The following COG5 variants were observed in gnomAD, a reference collection of about 807,000 sequenced individuals.
COG5 encodes conserved oligomeric Golgi complex subunit 5.
COG5 carries 86 observed loss-of-function variants against 110.4 expected under a neutral mutation model. The ratio of observed to expected loss-of-function variants is 0.78; its 90% confidence interval spans 0.65 to 0.93. The LOEUF (loss-of-function observed/expected upper bound fraction) is 0.93, where lower values mean the gene tolerates loss of function less well. Among genes scored for constraint, COG5 ranks in the 40% least tolerant of loss-of-function variants. The pLI is 0.00. For missense variants in COG5, 1,077 were observed against 987.0 expected (o/e 1.09, Z -1.22); for synonymous variants, 360 against 334.6 (o/e 1.08, Z -0.83).
Position 107,283,944 on chromosome 7 carries a change from A to G in COG5, c.1314-212T>C, listed in dbSNP as rs536479150. Among the ~76,000 whole-genome samples the G allele has an allele frequency of 4.7e-5, 5 of 106,988 alleles. No individual in the cohort carries two copies. The South Asian group carries it at 1.5e-3, about 32-fold the overall frequency. 70.2% of individuals were successfully genotyped at this position (106,988 alleles called of 152,430 possible). ...GACCATAGTAACCTTTTTTTTTTTG[A>G]GACGTAGTCTCACTCTGTTGTCCTG... On this transcript the variant is annotated intron_variant, in intron 12 of 21. Coordinates refer to ENST00000297135, the MANE Select transcript of COG5 (RefSeq NM_006348.5).
intron 6 of COG5, among the ~76,000 whole-genome samples, chr7:107,502,968 T>C (rs1206532919): frequency 6.6e-6 from 1 of 152,176 alleles, no homozygotes; most frequent in East Asian, 1.9e-4. Context: ...GGGTTGTCTG[T>C]TTATTTTGAC....
chr7:107,441,271 A>AT (rs1794691157), intron 6 of COG5, among the ~76,000 whole-genome samples: 1 of 151,420 alleles, frequency 6.6e-6, no homozygotes, highest in Admixed American at 6.6e-5. Context: ...AAAAAAAAAA[A>AT]AAAAAAGAAT....
chr7:107,452,925 C>T (rs1795429133), intron 6 of COG5, among the ~76,000 whole-genome samples: 1 of 152,114 alleles, frequency 6.6e-6, no homozygotes, highest in Non-Finnish European at 1.5e-5. Flanking sequence ...CTCTGGAGAG[C>T]CTTCCATGAT....
intron 6 of COG5, among the ~76,000 whole-genome samples, chr7:107,449,094 A>C (rs1795177861): frequency 6.6e-6 from 1 of 152,166 alleles, no homozygotes; most frequent in South Asian, 2.1e-4. Flanking sequence ...CAAACACCAC[A>C]TGTTCTCACT....
chr7:107,535,479 A>C (rs141541641), intron 5 of COG5, among the ~76,000 whole-genome samples: 40,714 of 151,458 alleles, frequency 0.27, 5,866 homozygotes, highest in East Asian at 0.33. Flanking sequence ...TAAAGGGGAT[A>C]TCACCACTGA....
At chr7:107,229,602 C>T (rs111515904) in intron 19 of COG5, among the ~76,000 whole-genome samples, 48 of 152,216 alleles carry the variant, frequency 3.2e-4, no homozygotes, top group African/African-American at 1.2e-3. Flanking sequence ...TTCAACGTTC[C>T]TTAAAATCTG....
At chr7:107,257,953 CCA>C (rs1562936884) in intron 15 of COG5, among the ~76,000 whole-genome samples, 1 of 152,114 alleles carries the variant, frequency 6.6e-6, no homozygotes, top group African/African-American at 2.4e-5. Flanking sequence ...TTACTACCAT[CCA>C]CAGTGTATCA....
chr7:107,304,334 G>GT (rs1807527761), intron 11 of COG5, among the ~76,000 whole-genome samples: 1 of 152,088 alleles, frequency 6.6e-6, no homozygotes, highest in Non-Finnish European at 1.5e-5. Context: ...CCTGAACACT[G>GT]TAAGAAGTTA....
chr7:107,562,110 G>A (rs1040649693), intron 1 of COG5, among the ~76,000 whole-genome samples: 1 of 152,200 alleles, frequency 6.6e-6, no homozygotes, highest in African/African-American at 2.4e-5. Context: ...GCAAGAAATG[G>A]AGAAAGTTCA....
intron 10 of COG5, among the ~76,000 whole-genome samples, chr7:107,345,330 G>C (rs1811505930): frequency 6.6e-6 from 1 of 152,110 alleles, no homozygotes; most frequent in Non-Finnish European, 1.5e-5. Context: ...ACACAAATGA[G>C]CATATGTTGG....
intron 6 of COG5, among the ~76,000 whole-genome samples, chr7:107,415,164 G>A (rs576076156): frequency 1.3e-5 from 2 of 152,298 alleles, no homozygotes; most frequent in South Asian, 4.1e-4. Context: ...TTATTCAGAA[G>A]AAAACTAGAT....
Position 107,415,845 on chromosome 7 carries a change from TATATACACACACATAC to T in COG5, c.539-3229_539-3214del, listed in dbSNP as rs1792737237. Among the ~76,000 whole-genome samples the T allele has an allele frequency of 7.0e-5, 4 of 57,362 alleles. No individual in the cohort carries two copies. The South Asian group carries it at 1.5e-3, about 22-fold the overall frequency. 37.6% of individuals were successfully genotyped at this position (57,362 alleles called of 152,430 possible). On this transcript the variant is annotated intron_variant, in intron 6 of 21. Coordinates refer to ENST00000297135, the MANE Select transcript of COG5 (RefSeq NM_006348.5). ...ACACGTATGTATGTATGTGTGTGTA[TATATACACACACATAC>T]ACGTATGTATGTATGTGTGTGTATA...
intron 7 of COG5, among the ~76,000 whole-genome samples, chr7:107,404,885 G>GAAAAAA (rs59988899): frequency 4.6e-3 from 146 of 31,898 alleles, no homozygotes; most frequent in East Asian, 6.7e-3. Flanking sequence ...TTCAGAAGAT[G>GAAAAAA]AAAAAAAAAA....
At chr7:107,305,443 T>G (rs530009814) in intron 11 of COG5, among the ~76,000 whole-genome samples, 23 of 152,306 alleles carry the variant, frequency 1.5e-4, no homozygotes, top group African/African-American at 5.5e-4. Context: ...TAGGATGTCT[T>G]GAATGTTTTG....
At chr7:107,537,124 T>C (rs1379782012) in intron 5 of COG5, among the ~76,000 whole-genome samples, 1 of 152,110 alleles carries the variant, frequency 6.6e-6, no homozygotes, top group Non-Finnish European at 1.5e-5. Flanking sequence ...ACACTGTTGG[T>C]GGGAGTGTAA....
chr7:107,384,298 T>C (rs1031600208), intron 7 of COG5, among the ~76,000 whole-genome samples: 1 of 152,114 alleles, frequency 6.6e-6, no homozygotes, highest in African/African-American at 2.4e-5. Flanking sequence ...GGCAGTTAGA[T>C]GTACTTCTTT....
At chr7:107,337,186 A>G (rs1370430232) in intron 10 of COG5, among the ~76,000 whole-genome samples, 1 of 152,192 alleles carries the variant, frequency 6.6e-6, no homozygotes, top group East Asian at 1.9e-4. Flanking sequence ...AGGAACACTT[A>G]CGCATTGTTG....
intron 10 of COG5, among the ~76,000 whole-genome samples, chr7:107,359,016 C>T (rs1287877716): frequency 6.6e-6 from 1 of 152,188 alleles, no homozygotes; most frequent in Non-Finnish European, 1.5e-5. Flanking sequence ...CTCTCTGGAG[C>T]AGCCACTGCC....
chr7:107,324,639 A>T, intron 10 of COG5, 118 bp from the exon 11 acceptor site: 1 of 599,626 alleles, frequency 1.7e-6, no homozygotes, highest in South Asian at 2.3e-5. Flanking sequence ...AATTTTAGAC[A>T]TCTAACCATC....
Sources: gnomAD v4.1 joint callset for allele counts (sites outside exome capture counted in the v4.1 genomes callset) on GRCh38, gnomAD v4.1.1 for gene constraint, MANE v1.5 for transcripts, NCBI Gene and HGNC (gene_info 2026-07-23, HGNC 2026-07-21) for gene names.